Variants in ARHGAP24 observed in about 807,000 individuals in gnomAD.
The protein encoded by ARHGAP24 is rho GTPase-activating protein 24.
A neutral mutation model predicts 76.4 loss-of-function variants in ARHGAP24; 50 were observed. The ratio of observed to expected loss-of-function variants is 0.65; its 90% CI spans 0.52 to 0.83. The LOEUF (loss-of-function observed/expected upper bound fraction) is 0.83, where lower values mean the gene tolerates loss of function less well. ARHGAP24 is among the 40% of genes least tolerant of loss of function. ARHGAP24 has a pLI of 0.00. For synonymous variants in ARHGAP24, 345 were observed against 323.3 expected (o/e 1.07, Z -0.72); for missense variants, 930 against 914.2 (o/e 1.02, Z -0.22).
chr4:85,741,448 G>A (rs1314177348), intron 3 of ARHGAP24, among the ~76,000 whole-genome samples: 4 of 152,174 alleles, frequency 2.6e-5, no homozygotes, highest in South Asian at 2.1e-4. Context: ...GTTTTACAGC[G>A]ATATCATTAT....
At chr4:85,628,493 C>G (rs1721049432) in intron 2 of ARHGAP24, among the ~76,000 whole-genome samples, 1 of 152,116 alleles carries the variant, frequency 6.6e-6, no homozygotes, top group African/African-American at 2.4e-5. Flanking sequence ...ATGGGATATT[C>G]TGTATCTATC....
chr4:85,985,292 C>T (rs1315526195), intron 8 of ARHGAP24, among the ~76,000 whole-genome samples: 1 of 152,170 alleles, frequency 6.6e-6, no homozygotes, highest in Non-Finnish European at 1.5e-5. Flanking sequence ...CCATGGAATA[C>T]TGTGTAGCCA....
chr4:85,496,430 A>T (rs932478309), intron 1 of ARHGAP24, among the ~76,000 whole-genome samples: 1 of 152,258 alleles, frequency 6.6e-6, no homozygotes, highest in African/African-American at 2.4e-5. Context: ...CTATGGTGGG[A>T]ATGTTTGTTT....
At chr4:85,813,681 A>G (rs1372479449) in intron 3 of ARHGAP24, among the ~76,000 whole-genome samples, 1 of 151,588 alleles carries the variant, frequency 6.6e-6, no homozygotes, top group Non-Finnish European at 1.5e-5. Flanking sequence ...TTAAGGTATA[A>G]TTGACAAAGA....
At chr4:85,559,264 A>G (rs1726504837) in intron 1 of ARHGAP24, among the ~76,000 whole-genome samples, 1 of 152,236 alleles carries the variant, frequency 6.6e-6, no homozygotes, top group African/African-American at 2.4e-5. Flanking sequence ...CCTCTTAAAA[A>G]TTAATAAATG....
chr4:85,804,296 C>T lies in ARHGAP24; in HGVS notation c.268+82324C>T, dbSNP rs538866527. On this transcript the variant is annotated intron_variant, in intron 3 of 9. Transcript: ENST00000395184. ...TGACCCAATAACTTAGTGAATGATA[C>T]AGTGTTTCTTTGCAGCAGCTCTTCA... Among the ~76,000 whole-genome samples, 10 of 152,244 alleles carry T rather than the reference C, an allele frequency of 6.6e-5. No individual in the cohort carries two copies. The South Asian group carries it at 1.5e-3, about 22-fold the overall frequency.
At chr4:85,515,371 C>T (rs1578196264) in intron 1 of ARHGAP24, among the ~76,000 whole-genome samples, 1 of 142,680 alleles carries the variant, frequency 7.0e-6, no homozygotes, top group South Asian at 2.2e-4. Context: ...TGCAGGTAAT[C>T]TTTTTTTTTT....
chr4:85,669,028 G>T (rs62315287), intron 2 of ARHGAP24, among the ~76,000 whole-genome samples: 39,982 of 152,042 alleles, frequency 0.26, 7,431 homozygotes, highest in East Asian at 0.84. Context: ...GCCTTTGTGT[G>T]TGTGTGTGAT....
chr4:85,982,451 G>T (rs1739724333), intron 8 of ARHGAP24, among the ~76,000 whole-genome samples: 1 of 151,778 alleles, frequency 6.6e-6, no homozygotes, highest in African/African-American at 2.4e-5. Context: ...ATCATAATTT[G>T]TTGGGGGTCA....
At position 85,917,989 on chromosome 4, in the gene ARHGAP24, T is replaced by C. The variant is rs1414091717; in HGVS notation, c.269-5659T>C. 4.6e-5 allele frequency among the ~76,000 whole-genome samples: 7 copies of C among 152,114 alleles called. No individual in the cohort carries two copies. In the East Asian group the frequency reaches 1.3e-3, roughly 29 times the overall value. ...TAGTTACCTGACGTAGTCTGGGCTT[T>C]GAGCAACATAGGTCTCATGTCCCAA... On this transcript the variant is annotated intron_variant, in intron 3 of 9. Transcript: ENST00000395184.
chr4:85,972,266 G>A (rs943071972), intron 6 of ARHGAP24, 98 bp downstream of exon 6: 1 of 1,500,264 alleles, frequency 6.7e-7, no homozygotes, highest in Non-Finnish European at 9.1e-7. Context: ...CTATCCCGGT[G>A]TTACTCTCCA....
At chr4:85,898,106 T>C (rs761732067) in intron 3 of ARHGAP24, among the ~76,000 whole-genome samples, 18 of 150,284 alleles carry the variant, frequency 1.2e-4, no homozygotes, top group Non-Finnish European at 2.7e-4. Context: ...GGGGAGACTT[T>C]GGAAGGTCAC....
At chr4:85,493,637 G>T (rs187542482) in intron 1 of ARHGAP24, among the ~76,000 whole-genome samples, 1 of 151,992 alleles carries the variant, frequency 6.6e-6, no homozygotes, top group East Asian at 1.9e-4. Context: ...TTCTTTTCTG[G>T]TACCACAAGA....
In ARHGAP24 at chr4:85,570,710, A is replaced by G; in HGVS notation, c.169A>G (p.Thr57Ala). Residue 57 changes from threonine to alanine, a missense_variant, in exon 2 of 10, where the codon ACC becomes GCC. Thr to Ala is a moderately conservative substitution (Grantham distance 58, BLOSUM62 0). Coordinates refer to ENST00000395184, the MANE Select transcript of ARHGAP24 (RefSeq NM_001025616.3). ...QLYYFKDEDETKPLGTIFLPG... is the reference protein window; with the variant it reads ...QLYYFKDEDEAKPLGTIFLPG... ...CTATTATTTCAAAGATGAAGATGAA[A>G]CCAAGCCCTTGGTGAGTAGGAGAAA... The G allele has an allele frequency of 1.2e-6, 2 of 1,613,968 alleles. No individual in the cohort carries two copies. Among genetic ancestry groups the G allele is most frequent in the Non-Finnish European group, 8.5e-7 (1 of 1,179,968 alleles).
At chr4:85,792,083 T>C (rs1271840915) in intron 3 of ARHGAP24, among the ~76,000 whole-genome samples, 1 of 152,182 alleles carries the variant, frequency 6.6e-6, no homozygotes, top group African/African-American at 2.4e-5. Context: ...ATGATGACAT[T>C]TGAATATTGA....
intron 5 of ARHGAP24, among the ~76,000 whole-genome samples, chr4:85,958,946 A>G (rs1738080826): frequency 6.6e-6 from 1 of 152,148 alleles, no homozygotes; most frequent in African/African-American, 2.4e-5. Context: ...TTCACTTAAC[A>G]TAATGTTTTT....
At chr4:85,714,633 G>A (rs892688770) in intron 2 of ARHGAP24, among the ~76,000 whole-genome samples, 1 of 151,916 alleles carries the variant, frequency 6.6e-6, no homozygotes, top group Non-Finnish European at 1.5e-5. Context: ...CAGTGTGTAC[G>A]GCTTTATTGA....
At chr4:85,960,048 A>G (rs138393365) in intron 5 of ARHGAP24, among the ~76,000 whole-genome samples, 1 of 152,200 alleles carries the variant, frequency 6.6e-6, no homozygotes, top group Non-Finnish European at 1.5e-5. Context: ...TGGTGTATCC[A>G]GTTAAGTCAG....
chr4:85,596,517 G>A (rs1378441678), intron 2 of ARHGAP24, among the ~76,000 whole-genome samples: 1 of 152,000 alleles, frequency 6.6e-6, no homozygotes, highest in Non-Finnish European at 1.5e-5. Context: ...CCTTCTCAGG[G>A]GTTCAAGGAA....
Sources: gnomAD v4.1 joint callset for allele counts (sites outside exome capture counted in the v4.1 genomes callset) on GRCh38, gnomAD v4.1.1 for gene constraint, MANE v1.5 for transcripts, NCBI Gene and HGNC (gene_info 2026-07-23, HGNC 2026-07-21) for gene names.